KANSL1L: variants seen among roughly 807,000 people sequenced by gnomAD.
The protein encoded by KANSL1L is KAT8 regulatory NSL complex subunit 1-like protein.
KANSL1L carries 25 observed loss-of-function variants against 108.6 expected under a neutral mutation model. That is an observed-to-expected ratio of 0.23 (90% confidence interval 0.17 to 0.32). The LOEUF (loss-of-function observed/expected upper bound fraction) is 0.32. Ranked by LOEUF, KANSL1L falls within the 10% of genes least tolerant of loss-of-function variation. The probability of loss-of-function intolerance (pLI) is 1.00; values close to 1 mark genes in which losing one functional copy is unlikely to be tolerated. For synonymous variants in KANSL1L, 405 were observed against 395.1 expected, an observed-to-expected ratio of 1.03 and a Z score of -0.30; for missense variants, 1,137 against 1,125.7, an observed-to-expected ratio of 1.01 and a Z score of -0.14.
chr2:210,078,640 G>A (rs2094558684), intron 5 of KANSL1L, among the ~76,000 whole-genome samples: 1 of 152,128 alleles, frequency 6.6e-6, no homozygotes, highest in South Asian at 2.1e-4. Context: ...AATGGTTATT[G>A]TAAACCACTG....
At chr2:210,085,607 A>G (rs950137964) in intron 5 of KANSL1L, among the ~76,000 whole-genome samples, 2 of 152,048 alleles carry the variant, frequency 1.3e-5, no homozygotes, top group African/African-American at 4.8e-5. Context: ...AAAAGCTGAA[A>G]TATTTTTCAA....
At chr2:210,158,935 A>G (rs1008878829) in intron 1 of KANSL1L, among the ~76,000 whole-genome samples, 1 of 152,208 alleles carries the variant, frequency 6.6e-6, no homozygotes, top group African/African-American at 2.4e-5. Flanking sequence ...GACGACCTCC[A>G]TATTATATAA....
At chr2:210,079,644 A>ATATATATATATGTG (rs1559539648) in intron 5 of KANSL1L, among the ~76,000 whole-genome samples, 3 of 8,976 alleles carry the variant, frequency 3.3e-4, no homozygotes, top group Non-Finnish European at 1.0e-3. Flanking sequence ...ATATATATAT[A>ATATATATATATGTG]TATATATATA....
intron 1 of KANSL1L, among the ~76,000 whole-genome samples, chr2:210,169,722 C>CT (rs1399923541): frequency 3.9e-5 from 6 of 152,312 alleles, no homozygotes; most frequent in Admixed American, 3.3e-4. Flanking sequence ...GTTGCAGACG[C>CT]TGACACTGAT....
chr2:210,142,870 T>C (rs2095240188), intron 2 of KANSL1L, among the ~76,000 whole-genome samples: 1 of 152,148 alleles, frequency 6.6e-6, no homozygotes. Context: ...GCCTAACATA[T>C]GATCAATCCT....
chr2:210,025,811 C>T (rs941249204), intron 12 of KANSL1L, among the ~76,000 whole-genome samples: 1 of 152,110 alleles, frequency 6.6e-6, no homozygotes, highest in African/African-American at 2.4e-5. Context: ...AACTTCTGGG[C>T]TCAAGCAATC....
intron 3 of KANSL1L, among the ~76,000 whole-genome samples, chr2:210,119,254 A>G (rs1302410376): frequency 6.6e-6 from 1 of 152,186 alleles, no homozygotes; most frequent in Non-Finnish European, 1.5e-5. Flanking sequence ...ATTTTACCAA[A>G]CACTTAAAGA....
At chr2:210,151,287 CT>C (rs1305593301) in intron 2 of KANSL1L, 1 of 152,200 alleles carries the variant, frequency 6.6e-6, no homozygotes, top group Non-Finnish European at 1.5e-5. Flanking sequence ...TCCGAAAGTG[CT>C]GGGATTACAG....
intron 1 of KANSL1L, among the ~76,000 whole-genome samples, chr2:210,162,540 A>G (rs2095367539): frequency 6.6e-6 from 1 of 152,094 alleles, no homozygotes; most frequent in Non-Finnish European, 1.5e-5. Flanking sequence ...GAGTTCAAGC[A>G]AGAATTCATA....
intron 5 of KANSL1L, among the ~76,000 whole-genome samples, chr2:210,078,202 AC>A (rs2094555845): frequency 6.6e-6 from 1 of 152,220 alleles, no homozygotes; most frequent in African/African-American, 2.4e-5. Context: ...GCATTGCTCT[AC>A]AACATTATCA....
intron 3 of KANSL1L, among the ~76,000 whole-genome samples, chr2:210,112,779 A>C (rs1315434343): frequency 6.6e-6 from 1 of 152,190 alleles, no homozygotes; most frequent in African/African-American, 2.4e-5. Flanking sequence ...ACCACCAGGA[A>C]TCTGTCACCC....
At chr2:210,100,433 T>C (rs1308520445) in intron 4 of KANSL1L, among the ~76,000 whole-genome samples, 2 of 152,238 alleles carry the variant, frequency 1.3e-5, no homozygotes, top group Admixed American at 1.3e-4. Flanking sequence ...ATTAATACTA[T>C]GAATCAATGT....
chr2:210,157,723 T>C (rs1265864883), intron 1 of KANSL1L, among the ~76,000 whole-genome samples: 1 of 88,112 alleles, frequency 1.1e-5, no homozygotes, highest in Non-Finnish European at 2.3e-5. Context: ...AAAAAAAAGA[T>C]ACACATGGCT....
intron 2 of KANSL1L, chr2:210,151,334 T>C (rs1255137874): frequency 6.6e-6 from 1 of 152,210 alleles, no homozygotes; most frequent in Admixed American, 6.5e-5. Flanking sequence ...AAGTTTCTTA[T>C]TCTTGTTTCT....
intron 2 of KANSL1L, among the ~76,000 whole-genome samples, chr2:210,131,306 G>C (rs2095117867): frequency 1.3e-5 from 2 of 152,140 alleles, no homozygotes; most frequent in Admixed American, 1.3e-4. Flanking sequence ...GGAGAGGGGA[G>C]ACAAAGATAT....
chr2:210,056,308 G>A (rs2723216), intron 6 of KANSL1L, among the ~76,000 whole-genome samples: 152,286 of 152,360 alleles, frequency 1, 76,106 homozygotes, highest in Non-Finnish European at 1. Context: ...TTCTCTCCCC[G>A]CTGCAAATTG....
At chr2:210,051,231 C>A (rs915787706) in intron 6 of KANSL1L, among the ~76,000 whole-genome samples, 4 of 152,140 alleles carry the variant, frequency 2.6e-5, no homozygotes, top group African/African-American at 9.7e-5. Flanking sequence ...CCTGTCTACC[C>A]TCCTTCCCTT....
chr2:210,119,198 A>G (rs528224408), intron 3 of KANSL1L, among the ~76,000 whole-genome samples: 1 of 152,112 alleles, frequency 6.6e-6, no homozygotes, highest in East Asian at 1.9e-4. Flanking sequence ...AAAAGAAAAA[A>G]AAGAAAAAAA....
At chr2:210,169,926 T>C (rs1339208545) in intron 1 of KANSL1L, among the ~76,000 whole-genome samples, 6 of 152,342 alleles carry the variant, frequency 3.9e-5, no homozygotes, top group Middle Eastern at 3.4e-3. Context: ...CTTTTCCTAA[T>C]ACAAGGCATT....
Sources: gnomAD v4.1 joint callset for allele counts (sites outside exome capture counted in the v4.1 genomes callset) on GRCh38, gnomAD v4.1.1 for gene constraint, MANE v1.5 for transcripts, NCBI Gene and HGNC (gene_info 2026-07-23, HGNC 2026-07-21) for gene names.